The following IFT25 variants were observed in gnomAD, a reference collection of about 807,000 sequenced individuals.
IFT25 encodes the protein intraflagellar transport 25, also known as intraflagellar transport protein 25 homolog.
the IFT25 span, chr1:53,929,973 C>G: frequency 6.8e-7 from 1 of 1,473,684 alleles, no homozygotes. Flanking sequence ...ATAATGAAAA[C>G]TAAAATATTA....
the IFT25 span, among the ~76,000 whole-genome samples, chr1:53,915,116 A>G: frequency 5.3e-5 from 8 of 152,364 alleles, no homozygotes; most frequent in East Asian, 9.6e-4. Flanking sequence ...ATAAAGAGAT[A>G]TAGGCGTGCA....
the IFT25 span, chr1:53,939,817 T>C: frequency 1.7e-6 from 1 of 579,822 alleles, no homozygotes; most frequent in Non-Finnish European, 3.0e-6. Flanking sequence ...AACCTAAATA[T>C]ACACAACTCA....
the IFT25 span, among the ~76,000 whole-genome samples, chr1:53,943,906 G>A: frequency 6.6e-6 from 1 of 152,202 alleles, no homozygotes; most frequent in Non-Finnish European, 1.5e-5. Flanking sequence ...ACAGAAGCTA[G>A]TCACTGTGTC....
chr1:53,919,896 C>A, the IFT25 span, among the ~76,000 whole-genome samples: 1 of 151,770 alleles, frequency 6.6e-6, no homozygotes, highest in Non-Finnish European at 1.5e-5. Context: ...CTCAAGCAAA[C>A]CTACCACCTC....
the IFT25 span, chr1:53,940,046 A>G: frequency 6.2e-7 from 1 of 1,611,486 alleles, no homozygotes; most frequent in Non-Finnish European, 8.5e-7. Context: ...ATCACTTCGG[A>G]CCCTTCAGAG....
chr1:53,942,542 AT>A, the IFT25 span, among the ~76,000 whole-genome samples: 7 of 152,214 alleles, frequency 4.6e-5, no homozygotes, highest in Admixed American at 4.6e-4. Context: ...AAAACCTGAA[AT>A]ATTTACTATT....
chr1:53,921,601 T>C, the IFT25 span: 3 of 1,046,444 alleles, frequency 2.9e-6, no homozygotes, highest in African/African-American at 4.7e-5. Flanking sequence ...AGTGACAACT[T>C]CCTGTTTAAA....
At chr1:53,932,799 C>T in the IFT25 span, among the ~76,000 whole-genome samples, 3 of 152,178 alleles carry the variant, frequency 2.0e-5, no homozygotes, top group African/African-American at 4.8e-5. Context: ...CTCCTGAGCT[C>T]GGGCAATCCG....
chr1:53,924,927 T>C, the IFT25 span, among the ~76,000 whole-genome samples: 77 of 152,362 alleles, frequency 5.1e-4, no homozygotes, highest in Non-Finnish European at 8.1e-4. Flanking sequence ...AGCCCCGTAG[T>C]ATTAAAAGAG....
the IFT25 span, among the ~76,000 whole-genome samples, chr1:53,939,385 T>C: frequency 6.9e-6 from 1 of 144,552 alleles, no homozygotes; most frequent in African/African-American, 2.6e-5. Flanking sequence ...AGTGAGACTC[T>C]GTCTCAAAAA....
the IFT25 span, among the ~76,000 whole-genome samples, chr1:53,920,827 AAAGT>A: frequency 6.6e-6 from 1 of 151,164 alleles, no homozygotes; most frequent in Non-Finnish European, 1.5e-5. Context: ...ACAACAACAA[AAAGT>A]AAGATTATGT....
chr1:53,928,525 A>G, the IFT25 span: 1 of 951,962 alleles, frequency 1.1e-6, no homozygotes. Flanking sequence ...GCCTGAGATT[A>G]TCATGCACAG....
chr1:53,923,484 T>A, the IFT25 span: 1 of 159,290 alleles, frequency 6.3e-6, no homozygotes, highest in Non-Finnish European at 1.4e-5. Flanking sequence ...CTTTGGCTTA[T>A]TTGTTGCTGA....
chr1:53,936,483 G>C, the IFT25 span, among the ~76,000 whole-genome samples: 2 of 152,074 alleles, frequency 1.3e-5, no homozygotes, highest in Non-Finnish European at 2.9e-5. Context: ...ACTAAATCTT[G>C]TAATTATGTA....
At chr1:53,941,694 C>T in the IFT25 span, among the ~76,000 whole-genome samples, 3 of 151,856 alleles carry the variant, frequency 2.0e-5, no homozygotes, top group African/African-American at 4.8e-5. Context: ...TGCTAATTCT[C>T]GACAAAATCC....
the IFT25 span, among the ~76,000 whole-genome samples, chr1:53,923,017 G>A: frequency 6.6e-6 from 1 of 152,128 alleles, no homozygotes; most frequent in African/African-American, 2.4e-5. Context: ...GGTAGCAGGG[G>A]CTTACTAATC....
At chr1:53,930,000 CAAAAAAAA>C in the IFT25 span, 9 of 1,408,032 alleles carry the variant, frequency 6.4e-6, no homozygotes, top group African/African-American at 1.5e-4. Context: ...CCTGGAGCAC[CAAAAAAAA>C]AAAAAAAAAA....
the IFT25 span, chr1:53,928,495 C>G: frequency 7.4e-7 from 1 of 1,356,116 alleles, no homozygotes; most frequent in Non-Finnish European, 1.1e-6. Flanking sequence ...GTTTTTGTCC[C>G]TATATTTCTT....
chr1:53,929,999 C>T, the IFT25 span: 1 of 1,444,426 alleles, frequency 6.9e-7, no homozygotes, highest in Non-Finnish European at 9.1e-7. Context: ...ACCTGGAGCA[C>T]CAAAAAAAAA....
Sources: allele counts gnomAD v4.1 joint callset (sites outside exome capture counted in the v4.1 genomes callset), GRCh38; gene constraint gnomAD v4.1.1; transcripts MANE v1.5; gene names NCBI Gene and HGNC (gene_info 2026-07-23, HGNC 2026-07-21).